The following SYT16 variants were observed in gnomAD, a reference collection of about 807,000 sequenced individuals.
The protein encoded by SYT16 is synaptotagmin 16, also known as synaptotagmin-16.
SYT16 carries 42 observed loss-of-function variants against 61.4 expected under a neutral mutation model. The ratio of observed to expected loss-of-function variants is 0.68; its 90% CI spans 0.53 to 0.89. The LOEUF is 0.89. SYT16 is among the 40% of genes least tolerant of loss of function. The pLI, the probability that SYT16 is intolerant of heterozygous loss-of-function variation, is 0.00. For synonymous variants in SYT16, 314 were observed against 302.3 expected, an observed-to-expected ratio of 1.04 and a Z score of -0.40; for missense variants, 804 against 807.3, an observed-to-expected ratio of 1.00 and a Z score of 0.05.
At chr14:61,940,174 C>T (rs2050151993) in intron 1 of SYT16, among the ~76,000 whole-genome samples, 1 of 152,132 alleles carries the variant, frequency 6.6e-6, no homozygotes, top group South Asian at 2.1e-4. Context: ...TTGTCCTTTT[C>T]ACGGGGTTAG....
intron 1 of SYT16, among the ~76,000 whole-genome samples, chr14:61,967,987 G>C (rs2051384430): frequency 6.6e-6 from 1 of 152,124 alleles, no homozygotes; most frequent in African/African-American, 2.4e-5. Context: ...GAGGCTGGGT[G>C]CGGTGGCTCA....
intron 5 of SYT16, among the ~76,000 whole-genome samples, 171 bp from the exon 6 acceptor site, chr14:62,080,663 T>C (rs1316123901): frequency 3.9e-5 from 6 of 152,164 alleles, no homozygotes; most frequent in Non-Finnish European, 7.4e-5. Flanking sequence ...CGTCAAAGAA[T>C]TCACAGTTTA....
At chr14:61,932,407 C>T (rs1028497125) in intron 1 of SYT16, among the ~76,000 whole-genome samples, 5 of 152,192 alleles carry the variant, frequency 3.3e-5, no homozygotes, top group Admixed American at 6.5e-5. Context: ...TTCCACATGG[C>T]TGGGGAGGCC....
At chr14:62,055,970 G>T (rs1205586154) in intron 3 of SYT16, among the ~76,000 whole-genome samples, 1 of 151,936 alleles carries the variant, frequency 6.6e-6, no homozygotes, top group Non-Finnish European at 1.5e-5. Context: ...GGAGTCCGAC[G>T]TTCAAGGGAA....
At chr14:61,946,352 T>C (rs139237809) in intron 1 of SYT16, among the ~76,000 whole-genome samples, 1 of 152,276 alleles carries the variant, frequency 6.6e-6, no homozygotes, top group East Asian at 1.9e-4. Context: ...TACACATGGA[T>C]ATGCGTGGAA....
Position 62,080,827 on chromosome 14 carries a change from G to T in SYT16, c.994-7G>T. 1 of 1,584,230 alleles carries T rather than the reference G, an allele frequency of 6.3e-7. No homozygotes were observed. The highest frequency in any genetic ancestry group is 8.6e-7 in the Non-Finnish European group (1 of 1,163,506). Reference sequence around the variant, plus strand: ...CCATTTCTAATTGTTTCCTCTGCCTGCAACAGGAACAGGACAGGACCAATT... The same window carrying T: ...CCATTTCTAATTGTTTCCTCTGCCTTCAACAGGAACAGGACAGGACCAATT... On this transcript the variant is annotated splice_region_variant and splice_polypyrimidine_tract_variant and intron_variant, in intron 5 of 7. Coordinates refer to ENST00000683842, the MANE Select transcript of SYT16 (RefSeq NM_001367656.1).
intron 1 of SYT16, among the ~76,000 whole-genome samples, chr14:61,818,212 C>T (rs1386449169): frequency 6.6e-6 from 1 of 152,136 alleles, no homozygotes; most frequent in Non-Finnish European, 1.5e-5. Context: ...CTTTAATGAG[C>T]GTTGGTATTT....
chr14:62,034,048 A>G (rs2054408711), intron 3 of SYT16, among the ~76,000 whole-genome samples: 1 of 152,218 alleles, frequency 6.6e-6, no homozygotes. Context: ...GAACTTGAAT[A>G]TGTCTATTTT....
intron 1 of SYT16, among the ~76,000 whole-genome samples, chr14:61,882,584 A>G (rs569278278): frequency 6.6e-6 from 1 of 152,282 alleles, no homozygotes; most frequent in East Asian, 1.9e-4. Flanking sequence ...ACCAAACCAA[A>G]CAATATCATT....
At chr14:61,813,595 G>T (rs552841305) in intron 1 of SYT16, among the ~76,000 whole-genome samples, 86 of 152,238 alleles carry the variant, frequency 5.6e-4, no homozygotes, top group African/African-American at 1.8e-3. Context: ...CGCATGTTAG[G>T]GACTTCATTA....
chr14:62,080,738 C>A, intron 5 of SYT16, 96 bp from the exon 6 acceptor site: 1 of 1,222,960 alleles, frequency 8.2e-7, no homozygotes, highest in Non-Finnish European at 1.1e-6. Context: ...AGTTAGAAAG[C>A]AGGGATTCTG....
At chr14:61,865,141 T>A in intron 1 of SYT16, 1 of 1,254,588 alleles carries the variant, frequency 8.0e-7, no homozygotes, top group Admixed American at 1.7e-5. Flanking sequence ...CAGCCACCGA[T>A]AAATGCCGCT....
rs1465833045 is a variant in SYT16 at position 62,087,633 on chromosome 14, G to T, written c.1624+3248G>T. On this transcript the variant is annotated intron_variant, in intron 7 of 7. Transcript: ENST00000683842. ...GACAGCGGCTAGGATTTAGAAGTGA[G>T]AATCTTTTTGCCTCAAAATATATCA... 2.6e-5 allele frequency among the ~76,000 whole-genome samples: 4 copies of T among 152,306 alleles called. No homozygotes were observed. The East Asian group carries it at 7.7e-4, about 29-fold the overall frequency.
intron 2 of SYT16, among the ~76,000 whole-genome samples, chr14:61,971,747 G>C (rs1454098134): frequency 2.0e-5 from 3 of 152,232 alleles, no homozygotes; most frequent in African/African-American, 7.2e-5. Flanking sequence ...TTGCAGATTT[G>C]ACAATTGCTT....
At chr14:61,936,268 G>A (rs1268749783) in intron 1 of SYT16, among the ~76,000 whole-genome samples, 2 of 152,182 alleles carry the variant, frequency 1.3e-5, no homozygotes, top group Non-Finnish European at 2.9e-5. Context: ...AAGTTTTAGG[G>A]TTTCCATAGC....
At chr14:62,027,002 C>A (rs1421254108) in intron 3 of SYT16, among the ~76,000 whole-genome samples, 4 of 152,032 alleles carry the variant, frequency 2.6e-5, no homozygotes, top group Non-Finnish European at 5.9e-5. Context: ...CATTTCAATG[C>A]TGTGTGTCTC....
chr14:61,982,507 A>G (rs11852200), intron 2 of SYT16, among the ~76,000 whole-genome samples: 3,291 of 152,202 alleles, frequency 0.022, 121 homozygotes, highest in African/African-American at 0.074. Context: ...CACTACCACA[A>G]GAACAGTATG....
chr14:62,109,606 A>G lies in SYT16; in HGVS notation c.*8899A>G, dbSNP rs976295158. 6.6e-6 allele frequency: 1 copy of G among 152,154 alleles called. No individual in the cohort carries two copies. The highest frequency in any genetic ancestry group is 1.5e-5 in the Non-Finnish European group (1 of 68,028). The allele number at this position is 152,154 out of a possible 1,614,324, so 9.4% of individuals were successfully genotyped here. ...ATTTATGAAAAAATATAATAATTTC[A>G]TAATTTATATTACCCTATCTATGAG... On this transcript the variant is annotated 3_prime_UTR_variant, in exon 8 of 8. Coordinates refer to ENST00000683842, the MANE Select transcript of SYT16 (RefSeq NM_001367656.1).
chr14:62,026,980 A>G (rs917334707), intron 3 of SYT16, among the ~76,000 whole-genome samples: 2 of 152,060 alleles, frequency 1.3e-5, no homozygotes, highest in Middle Eastern at 3.2e-3. Flanking sequence ...CATGTCTTAA[A>G]TGTTTTTTAT....
Sources: gnomAD v4.1 joint callset for allele counts (sites outside exome capture counted in the v4.1 genomes callset) on GRCh38, gnomAD v4.1.1 for gene constraint, MANE v1.5 for transcripts, NCBI Gene and HGNC (gene_info 2026-07-23, HGNC 2026-07-21) for gene names.